The following DHRS4L2 variants were observed in gnomAD, a reference collection of about 807,000 sequenced individuals.
The protein encoded by DHRS4L2 is dehydrogenase/reductase SDR family member 4-like 2.
In DHRS4L2, 22 loss-of-function variants were observed where a neutral mutation model predicts 23.9. The observed-to-expected ratio is 0.92, with a 90% CI of 0.66 to 1.31. The LOEUF (loss-of-function observed/expected upper bound fraction) is 1.31. Ranked by LOEUF, DHRS4L2 falls within the 40% of genes most tolerant of loss-of-function variation. DHRS4L2 has a pLI of 0.00. For synonymous variants in DHRS4L2, 141 were observed against 123.7 expected (o/e 1.14, Z -0.93); for missense variants, 385 against 303.3 (o/e 1.27, Z -2.00).
At chr14:23,987,363 C>T (rs61999788), upstream of DHRS4L2, 2,986 of 203,222 alleles carry the variant, frequency 0.015, 68 homozygotes, top group Middle Eastern at 0.025. Context: ...TCTCCTGACC[C>T]CGTGATCCGC....
chr14:23,993,509 G>A (rs1440695828), intron 2 of DHRS4L2, among the ~76,000 whole-genome samples: 1 of 151,586 alleles, frequency 6.6e-6, no homozygotes, highest in Non-Finnish European at 1.5e-5. Flanking sequence ...CCCACATACT[G>A]CAACTTGCCC....
At position 23,990,198 on chromosome 14, in the gene DHRS4L2, G is replaced by C. The variant is rs61732730; in HGVS notation, c.145G>C (p.Ala49Pro). 1.9e-6 allele frequency: 3 copies of C among 1,612,586 alleles called. No individual in the cohort carries two copies. The highest frequency in any genetic ancestry group is 1.3e-5 in the African/African-American group (1 of 74,820). ...TGCTCACAGGATCGGCTTCGCCATC[G>C]CCCGGCGTTTGGCCCAGGACAGGGC... ...ASTDGIGFAIARRLAQDRAHV... is the reference protein window; with the variant it reads ...ASTDGIGFAIPRRLAQDRAHV... The change falls in exon 2 of 8, where the codon GCC (alanine) becomes CCC (proline). Residue 49 changes from alanine (A) to proline (P), a missense_variant. By Grantham distance (27) the Ala-to-Pro change is conservative. Coordinates refer to ENST00000335125, the MANE Select transcript of DHRS4L2 (RefSeq NM_198083.4).
chr14:23,996,149 C>A (rs2034378167), intron 3 of DHRS4L2, among the ~76,000 whole-genome samples: 1 of 151,758 alleles, frequency 6.6e-6, no homozygotes, highest in South Asian at 2.1e-4. Flanking sequence ...AGAACTCACT[C>A]ATTGCCACAG....
intron 1 of DHRS4L2, among the ~76,000 whole-genome samples, chr14:23,970,785 C>T (rs1370671107): frequency 6.6e-6 from 1 of 152,002 alleles, no homozygotes; most frequent in African/African-American, 2.4e-5. Context: ...AAGGATCAGG[C>T]AGCAATATTT....
chr14:23,969,958 ACT>A (rs1206079193), exon 1 of DHRS4L2: 1 of 453,864 alleles, frequency 2.2e-6, no homozygotes, highest in Non-Finnish European at 4.4e-6. Context: ...CGCAACCGCC[ACT>A]GTCTGGAGCG....
intron 1 of DHRS4L2, among the ~76,000 whole-genome samples, chr14:23,977,325 G>A (rs950380794): frequency 1.3e-5 from 2 of 151,702 alleles, no homozygotes; most frequent in African/African-American, 4.9e-5. Context: ...AGGGCTGGCA[G>A]TGCTGAGCCA....
At chr14:23,972,491 C>G (rs1236920408) in intron 1 of DHRS4L2, among the ~76,000 whole-genome samples, 9 of 152,020 alleles carry the variant, frequency 5.9e-5, no homozygotes, top group Admixed American at 1.3e-4. Context: ...AAAGAGTGAG[C>G]AGCAGCAAGA....
At chr14:23,977,720 A>G (rs1282935151) in intron 1 of DHRS4L2, among the ~76,000 whole-genome samples, 2 of 151,768 alleles carry the variant, frequency 1.3e-5, no homozygotes, top group South Asian at 2.1e-4. Context: ...AGAGAATTAA[A>G]TGACATCATG....
chr14:23,981,724 T>C (rs1368135569), intron 1 of DHRS4L2, among the ~76,000 whole-genome samples: 1 of 151,460 alleles, frequency 6.6e-6, no homozygotes, highest in South Asian at 2.1e-4. Context: ...AAGAGCAGGG[T>C]GATAGTGGGG....
rs553932644 is a variant in DHRS4L2, at chr14:24,001,826, G to A, written c.665+309G>A. On this transcript the variant is annotated intron_variant, in intron 6 of 7. Transcript: ENST00000335125. ...AGAACCTGAAACAAATGAAACAGAT[G>A]AGGGCAGTGGGGAGAGCTGGGAGCT... Among the ~76,000 whole-genome samples the A allele has an allele frequency of 8.5e-4, 92 of 108,676 alleles. 6 individuals carry two copies. The highest frequency in any genetic ancestry group is 4.1e-3 in the African/African-American group (73 of 17,734). 71.3% of individuals were successfully genotyped at this position (108,676 alleles called of 152,430 possible).
At chr14:23,989,145 C>T in intron 1 of DHRS4L2, 70 bp downstream of exon 1, 9 of 1,534,762 alleles carry the variant, frequency 5.9e-6, no homozygotes, top group Non-Finnish European at 7.9e-6. Context: ...TCGTCCTTTG[C>T]CTCCAGTGCC....
At chr14:24,001,180 A>T (rs2034481058) in intron 5 of DHRS4L2, 96 bp downstream of exon 5, 5 of 1,604,166 alleles carry the variant, frequency 3.1e-6, no homozygotes, top group Non-Finnish European at 4.3e-6. Flanking sequence ...CCCTTGTAGA[A>T]TCACACCACC....
At chr14:23,992,688 C>G (rs1299558881) in intron 2 of DHRS4L2, among the ~76,000 whole-genome samples, 1 of 151,316 alleles carries the variant, frequency 6.6e-6, no homozygotes, top group Non-Finnish European at 1.5e-5. Context: ...AGAAGACTTT[C>G]TTTTATTTTT....
intron 3 of DHRS4L2, 119 bp downstream of exon 3, chr14:23,995,252 G>A (rs918470242): frequency 9.4e-6 from 11 of 1,172,198 alleles, no homozygotes; most frequent in Non-Finnish European, 1.4e-5. Context: ...TTTGCCACGT[G>A]CCACACACCT....
At chr14:23,984,279 T>C (rs1270017110), upstream of DHRS4L2, among the ~76,000 whole-genome samples, 1 of 151,726 alleles carries the variant, frequency 6.6e-6, no homozygotes, top group East Asian at 1.9e-4. Flanking sequence ...CATAACTTTC[T>C]TTCCCTTTTT....
intron 3 of DHRS4L2, among the ~76,000 whole-genome samples, chr14:23,997,332 G>A (rs2034401519): frequency 1.2e-5 from 1 of 83,372 alleles, no homozygotes; most frequent in East Asian, 3.0e-4. Flanking sequence ...CTGACTTAGG[G>A]TGGTGTTGCT....
rs1047670198 is a variant in DHRS4L2, at chr14:23,976,942, C to T, written c.-176+6610C>T. ...AAACAGAGAGGGGATCATCACACAC[C>T]AGGGTCTGTTGGGGGCTGGGGGGCT... On this transcript the variant is annotated intron_variant, in intron 1 of 5. Transcript: ENST00000534993. 5.3e-5 allele frequency among the ~76,000 whole-genome samples: 8 copies of T among 151,132 alleles called. No individual in the cohort carries two copies. In the East Asian group the frequency reaches 1.6e-3, roughly 30 times the overall value.
At chr14:23,988,788 T>C, upstream of DHRS4L2, 2 of 1,403,562 alleles carry the variant, frequency 1.4e-6, no homozygotes, top group Non-Finnish European at 9.3e-7. Flanking sequence ...GCGGGGCGAC[T>C]GGCGGGCGGC....
intron 1 of DHRS4L2, among the ~76,000 whole-genome samples, chr14:23,972,404 G>A (rs898785624): frequency 7.9e-5 from 12 of 151,954 alleles, no homozygotes; most frequent in African/African-American, 2.2e-4. Flanking sequence ...TGGTGGGTTC[G>A]TGGCCTCACT....
Sources: allele counts gnomAD v4.1 joint callset (sites outside exome capture counted in the v4.1 genomes callset), GRCh38; gene constraint gnomAD v4.1.1; transcripts MANE v1.5; gene names NCBI Gene and HGNC (gene_info 2026-07-23, HGNC 2026-07-21).